USH2A: variants seen among roughly 807,000 people sequenced by gnomAD.
USH2A encodes Usher syndrome 2A (autosomal recessive, mild).
In USH2A, 443 loss-of-function variants were observed where a neutral mutation model predicts 538.9. The ratio of observed to expected loss-of-function variants is 0.82; its 90% CI spans 0.76 to 0.89. USH2A has a LOEUF of 0.89. Among genes scored for constraint, USH2A ranks in the 40% least tolerant of loss-of-function variants. The probability of loss-of-function intolerance (pLI) is 0.00; values close to 1 mark genes in which losing one functional copy is unlikely to be tolerated. For missense variants in USH2A, 6,633 were observed against 6,324.8 expected (o/e 1.05, Z -1.65); for synonymous variants, 2,413 against 2,273.5 (o/e 1.06, Z -1.75).
chr1:216,189,647 GCTT>G (rs1055400108), intron 20 of USH2A, among the ~76,000 whole-genome samples: 8 of 151,798 alleles, frequency 5.3e-5, no homozygotes, highest in African/African-American at 1.5e-4. Context: ...TAACTTAAAA[GCTT>G]CTTCTTAATA....
chr1:216,075,325 C>T (rs1490387916), intron 27 of USH2A, among the ~76,000 whole-genome samples: 1 of 152,176 alleles, frequency 6.6e-6, no homozygotes, highest in Non-Finnish European at 1.5e-5. Flanking sequence ...GCTTTCAACT[C>T]TGTACCACCA....
chr1:215,642,650 G>C (rs998627863), intron 67 of USH2A, among the ~76,000 whole-genome samples: 1 of 152,050 alleles, frequency 6.6e-6, no homozygotes, highest in South Asian at 2.1e-4. Context: ...TTTTACTACC[G>C]TCTGTGTGCT....
At chr1:216,378,575 C>G (rs1042570349) in intron 3 of USH2A, among the ~76,000 whole-genome samples, 1 of 152,010 alleles carries the variant, frequency 6.6e-6, no homozygotes, top group Non-Finnish European at 1.5e-5. Flanking sequence ...CAGAGAGCCC[C>G]CGAATACCCA....
intron 32 of USH2A, among the ~76,000 whole-genome samples, chr1:216,036,160 G>A (rs901157148): frequency 2.0e-5 from 3 of 152,128 alleles, no homozygotes; most frequent in Non-Finnish European, 4.4e-5. Flanking sequence ...AATATAAGGT[G>A]AAGACTAGGG....
chr1:216,090,904 G>A (rs957788637), intron 22 of USH2A, among the ~76,000 whole-genome samples: 3 of 152,106 alleles, frequency 2.0e-5, no homozygotes, highest in South Asian at 2.1e-4. Flanking sequence ...CTTAGTTAGC[G>A]TTAAAATTGT....
intron 38 of USH2A, among the ~76,000 whole-genome samples, chr1:215,918,581 T>C (rs1383172934): frequency 2.0e-5 from 3 of 152,120 alleles, no homozygotes; most frequent in Non-Finnish European, 2.9e-5. Flanking sequence ...TAGTCTATAG[T>C]ATTTTGTTGT....
At chr1:215,912,479 A>ACG (rs1429026339) in intron 38 of USH2A, among the ~76,000 whole-genome samples, 8 of 31,770 alleles carry the variant, frequency 2.5e-4, no homozygotes, top group East Asian at 1.7e-3. Context: ...ATATATACGT[A>ACG]TATATATATA....
At chr1:215,694,309 C>T (rs1296304510) in intron 61 of USH2A, among the ~76,000 whole-genome samples, 4 of 152,194 alleles carry the variant, frequency 2.6e-5, no homozygotes. Flanking sequence ...CGTGGTGGCT[C>T]ACACCTGTAA....
At chr1:215,667,531 T>C (rs1415399629) in intron 64 of USH2A, among the ~76,000 whole-genome samples, 2 of 151,940 alleles carry the variant, frequency 1.3e-5, no homozygotes, top group South Asian at 2.1e-4. Context: ...ACCCCGTCTC[T>C]ACTAAAAATA....
intron 11 of USH2A, among the ~76,000 whole-genome samples, chr1:216,285,942 T>C (rs912627689): frequency 6.6e-6 from 1 of 152,238 alleles, no homozygotes; most frequent in Non-Finnish European, 1.5e-5. Flanking sequence ...TGTACCGCTA[T>C]TGTATCTAGG....
chr1:215,757,739 A>T lies in USH2A; in HGVS notation c.11389+856T>A, dbSNP rs1660853471. 2.0e-5 allele frequency among the ~76,000 whole-genome samples: 3 copies of T among 152,178 alleles called. No homozygotes were observed. The South Asian group carries it at 6.2e-4, about 31-fold the overall frequency. The stretch of plus-strand genomic sequence containing the variant: ...TGCTTACCTCAAAATATAATGTTGC[A>T]CTAAGTCACAAGGCAACCCAATAAT... On this transcript the variant is annotated intron_variant, in intron 58 of 71. Coordinates refer to ENST00000307340, the MANE Select transcript of USH2A (RefSeq NM_206933.4).
chr1:215,918,986 C>T (rs924782267), intron 38 of USH2A, among the ~76,000 whole-genome samples: 33 of 151,972 alleles, frequency 2.2e-4, no homozygotes, highest in African/African-American at 7.7e-4. Context: ...CAAATGTATT[C>T]ATATTAATAA....
At chr1:216,141,968 AG>A (rs1373462874) in intron 21 of USH2A, among the ~76,000 whole-genome samples, 1 of 151,048 alleles carries the variant, frequency 6.6e-6, no homozygotes, top group Non-Finnish European at 1.5e-5. Flanking sequence ...AAAAAAAAAA[AG>A]GTAGGATTGA....
At chr1:215,634,947 A>T (rs1656429368) in intron 69 of USH2A, among the ~76,000 whole-genome samples, 1 of 152,162 alleles carries the variant, frequency 6.6e-6, no homozygotes, top group Non-Finnish European at 1.5e-5. Flanking sequence ...TCAGGTTGGA[A>T]ATCACCACTG....
At chr1:215,941,842 A>T (rs1666641407) in intron 37 of USH2A, among the ~76,000 whole-genome samples, 1 of 152,166 alleles carries the variant, frequency 6.6e-6, no homozygotes, top group African/African-American at 2.4e-5. Context: ...GGTCTGGATG[A>T]GAATGATATC....
chr1:215,926,085 T>C (rs1354767391), intron 38 of USH2A, among the ~76,000 whole-genome samples: 1 of 152,120 alleles, frequency 6.6e-6, no homozygotes, highest in Non-Finnish European at 1.5e-5. Flanking sequence ...CTACAATGCA[T>C]GAAGAAAGTG....
At chr1:215,754,728 A>T (rs916682780) in intron 58 of USH2A, among the ~76,000 whole-genome samples, 2 of 152,202 alleles carry the variant, frequency 1.3e-5, no homozygotes. Flanking sequence ...GTTGGGTGGC[A>T]TTCAAAGCCA....
At chr1:216,181,496 C>G (rs569954811) in intron 20 of USH2A, among the ~76,000 whole-genome samples, 2 of 151,924 alleles carry the variant, frequency 1.3e-5, no homozygotes, top group African/African-American at 2.4e-5. Context: ...TAAAGAAAAC[C>G]CTGCTTTTAG....
At chr1:216,050,597 TTTCTTTC>T (rs1164245588) in intron 30 of USH2A, among the ~76,000 whole-genome samples, 9 of 46,166 alleles carry the variant, frequency 1.9e-4, no homozygotes, top group African/African-American at 5.0e-4. Context: ...TCTTTCTTTC[TTTCTTTC>T]TTTTTTTTTT....
Sources: gnomAD v4.1 joint callset for allele counts (sites outside exome capture counted in the v4.1 genomes callset) on GRCh38, gnomAD v4.1.1 for gene constraint, MANE v1.5 for transcripts, NCBI Gene and HGNC (gene_info 2026-07-23, HGNC 2026-07-21) for gene names.